The following PARP10 variants were observed in gnomAD, a reference collection of about 807,000 sequenced individuals.
PARP10 encodes protein mono-ADP-ribosyltransferase PARP10.
PARP10 carries 56 observed loss-of-function variants against 82.4 expected under a neutral mutation model. That is an observed-to-expected ratio of 0.68 (90% CI 0.55 to 0.85). PARP10 has a LOEUF of 0.85. Ranked by LOEUF, PARP10 falls within the 40% of genes least tolerant of loss-of-function variation. The pLI, the probability that PARP10 is intolerant of heterozygous loss-of-function variation, is 0.00. For missense variants in PARP10, 1,227 were observed against 1,379.4 expected (o/e 0.89, Z 1.75); for synonymous variants, 576 against 601.1 (o/e 0.96, Z 0.61).
At chr8:143,980,081 G>A (rs1381521144) in intron 9 of PARP10, among the ~76,000 whole-genome samples, 1 of 150,658 alleles carries the variant, frequency 6.6e-6, no homozygotes, top group Non-Finnish European at 1.5e-5. Flanking sequence ...CAGCACTTTG[G>A]GAGGCCGAGG....
chr8:143,984,958 T>C lies in PARP10; in HGVS notation c.1044A>G (p.Gln348=), dbSNP rs1554748862. Residue 348 remains glutamine (Q), a synonymous_variant, in exon 5 of 11, where the codon CAA becomes CAG. Transcript: ENST00000313028. ...GAGACCCCATGGGCATCGAGCTGAC[T>C]TGCTCTGCCTGTCCCAGAGACCCCA... ...GPMGSLGQAE[Q]VSSMPMGSLE... The C allele has an allele frequency of 1.2e-6, 2 of 1,613,900 alleles. No individual in the cohort carries two copies. Among genetic ancestry groups the C allele is most frequent in the South Asian group, 2.2e-5 (2 of 91,070 alleles).
chr8:144,003,332 A>C (rs562122711), intron 1 of PARP10, among the ~76,000 whole-genome samples: 1 of 151,726 alleles, frequency 6.6e-6, no homozygotes, highest in South Asian at 2.1e-4. Context: ...CTGAGGCACA[A>C]GGATCGCTTG....
Position 143,983,039 on chromosome 8 carries a change from A to AG in PARP10, c.2448dup (p.Trp817LeufsTer50). 1 of 1,613,850 alleles carries AG rather than the reference A, an allele frequency of 6.2e-7. No homozygotes were observed. Among genetic ancestry groups the AG allele is most frequent in the Non-Finnish European group, 8.5e-7 (1 of 1,179,992 alleles). ...TCTGCCAGACGCTCCAGGTTGTTCCAGGGCCCCTTCAGCGTCTGCCCCGCC... is the reference window on the plus strand; with the variant it reads ...TCTGCCAGACGCTCCAGGTTGTTCCAGGGGCCCCTTCAGCGTCTGCCCCGCC... On this transcript the variant is annotated frameshift_variant, in exon 9 of 11. Transcript: ENST00000313028. LOFTEE classifies it high-confidence loss of function.
At chr8:143,989,735 G>A (rs1243899390), upstream of PARP10, 1 of 152,238 alleles carries the variant, frequency 6.6e-6, no homozygotes, top group Non-Finnish European at 1.5e-5. The surrounding 1 kb of genome is among the most constrained non-coding windows in gnomAD (Gnocchi z 4.3). Flanking sequence ...GGAGAGATCT[G>A]GATGAAAAGA....
chr8:143,986,533 T>C (rs1346516759), upstream of PARP10: 19 of 927,358 alleles, frequency 2.0e-5, no homozygotes, highest in Non-Finnish European at 3.0e-5. Context: ...GGGGCTCAGA[T>C]GCTTCCTCTC....
At chr8:143,980,318 TCAAAAAAA>T (rs1348793580) in intron 9 of PARP10, among the ~76,000 whole-genome samples, 1 of 15,666 alleles carries the variant, frequency 6.4e-5, no homozygotes, top group African/African-American at 1.4e-4. Flanking sequence ...AGATTCCGTC[TCAAAAAAA>T]AAAAAAAAAA....
intron 4 of PARP10, 36 bp from the exon 5 acceptor site, chr8:143,985,364 T>C (rs782620349): frequency 4.4e-6 from 7 of 1,592,970 alleles, no homozygotes; most frequent in Non-Finnish European, 6.0e-6. Flanking sequence ...GCCTGTCAGA[T>C]TTCTGCAGGA....
At position 143,985,136 on chromosome 8, in the gene PARP10, C is replaced by T. The variant is rs781880457; in HGVS notation, c.866G>A (p.Gly289Asp). 9 of 1,614,018 alleles carry T rather than the reference C, an allele frequency of 5.6e-6. No homozygotes were observed. The highest frequency in any genetic ancestry group is 6.8e-6 in the Non-Finnish European group (8 of 1,180,024). ...AGAGCCCATTGTCACAGTCCCTGCACCCTGCAGAGCCGTCACCAACCCTCC... is the reference window on the plus strand; with the variant it reads ...AGAGCCCATTGTCACAGTCCCTGCATCCTGCAGAGCCGTCACCAACCCTCC... Reference protein sequence around the residue: ...RTGGLVTALQGAGTVTMGSGE... With the variant: ...RTGGLVTALQDAGTVTMGSGE... Residue 289 changes from glycine to aspartate, a missense_variant, in exon 5 of 11, where the codon GGT becomes GAT. By Grantham distance (94) the Gly-to-Asp change is moderately conservative. Transcript: ENST00000313028.
In PARP10 at chr8:143,986,094, G is replaced by A; in HGVS notation, c.142C>T (p.Leu48=). 2 of 1,614,072 alleles carry A rather than the reference G, an allele frequency of 1.2e-6. No individual in the cohort carries two copies. Among genetic ancestry groups the A allele is most frequent in the South Asian group, 2.2e-5 (2 of 91,084 alleles). The change falls in exon 2 of 11, where the codon CTG becomes TTG. Residue 48 remains leucine (L), a synonymous_variant. Coordinates refer to ENST00000313028, the MANE Select transcript of PARP10 (RefSeq NM_032789.5). The part of the protein sequence containing the change: ...GGGPVLSWQR[L]GCGGVLTFRE... The stretch of plus-strand genomic sequence containing the variant: ...AAGGTGAGGACGCCCCCACAGCCCA[G>A]TCTCTGCCAGCTCAACACAGGTCCC...
Position 143,983,232 on chromosome 8 carries a change from A to G in PARP10, c.2357T>C (p.Val786Ala). The change falls in exon 8 of 11, where the codon GTG becomes GCG. Residue 786 changes from valine to alanine, a missense_variant. Transcript: ENST00000313028. ...AHPARAARHL[V>A]ALLAGPWDQS... ...ATCCCAGGGGCCAGCCAGAAGTGCC[A>G]CCAAGTGGCGGGCAGCACGGGCAGG... 6.2e-7 allele frequency: 1 copy of G among 1,613,638 alleles called. No individual in the cohort carries two copies.
At chr8:143,981,157 T>A (rs961566242) in intron 9 of PARP10, among the ~76,000 whole-genome samples, 7 of 152,140 alleles carry the variant, frequency 4.6e-5, no homozygotes, top group African/African-American at 1.4e-4. Context: ...CAAGTACGTA[T>A]AATTAACAAA....
rs1554748282 is a variant in PARP10, at chr8:143,983,521, G to C, written c.2068C>G (p.Gln690Glu). The C allele has an allele frequency of 1.2e-6, 2 of 1,605,564 alleles. No individual in the cohort carries two copies. The highest frequency in any genetic ancestry group is 3.4e-5 in the Admixed American group (2 of 59,186). ...GGCTCTTCTGCCTCCAACGGGGGCT[G>C]CTCCAGCAGGGAGAGGGTTAGGGCT... The part of the protein sequence containing the change: ...RQALTLSLLE[Q>E]PPLEAEEPPD... The change falls in exon 8 of 11, where the codon CAG becomes GAG. Residue 690 changes from glutamine (Q) to glutamate (E), a missense_variant. Gln to Glu is a conservative substitution (Grantham distance 29, BLOSUM62 2). Coordinates refer to ENST00000313028, the MANE Select transcript of PARP10 (RefSeq NM_032789.5).
upstream of PARP10, chr8:143,993,078 G>C: frequency 1.9e-6 from 1 of 527,460 alleles, no homozygotes; most frequent in Non-Finnish European, 3.4e-6. Context: ...CCAAGGCCAC[G>C]TTTCCGTGCC....
chr8:144,008,054 G>C lies in PARP10; in HGVS notation c.-80+4476C>G, dbSNP rs116128127. Among the ~76,000 whole-genome samples the C allele has an allele frequency of 4.7e-3, 723 of 152,342 alleles. 4 individuals are homozygous for C. Among genetic ancestry groups the C allele is most frequent in the African/African-American group, 0.016 (667 of 41,574 alleles). The stretch of plus-strand genomic sequence containing the variant: ...TGGAAGTCAAATGCCAACTGAATCT[G>C]TGGGAGCACAGACTAGACAACTACC... On this transcript the variant is annotated intron_variant, in intron 1 of 3. Transcript: ENST00000530478. This position sits in a 1 kb window ranked among gnomAD's most constrained non-coding sequence, Gnocchi z 4.0.
At chr8:144,006,622 G>A (rs375770677) in intron 1 of PARP10, among the ~76,000 whole-genome samples, 11 of 152,210 alleles carry the variant, frequency 7.2e-5, no homozygotes, top group Non-Finnish European at 1.5e-4. Context: ...AAATGTTTGT[G>A]TCCCCCCTCA....
Position 143,998,071 on chromosome 8 carries a change from A to C in PARP10, c.-79-11633T>G, listed in dbSNP as rs531701384. 2.0e-5 allele frequency among the ~76,000 whole-genome samples: 3 copies of C among 152,230 alleles called. No individual in the cohort carries two copies. In the South Asian group the frequency reaches 6.2e-4, roughly 32 times the overall value. On this transcript the variant is annotated intron_variant, in intron 1 of 3. Transcript: ENST00000530478. ...GCCTCCCAAAGTGCTGGGATTACAG[A>C]TATGAGCCACCGTGCCTAGCCAAGA...
At chr8:143,988,900 T>A (rs1308018870), upstream of PARP10, 3 of 152,174 alleles carry the variant, frequency 2.0e-5, no homozygotes, top group Admixed American at 6.5e-5. Flanking sequence ...CATCACAGGT[T>A]ATCCATTACG....
At chr8:143,995,666 C>T (rs189228005), upstream of PARP10, among the ~76,000 whole-genome samples, 10 of 152,158 alleles carry the variant, frequency 6.6e-5, no homozygotes, top group Admixed American at 5.2e-4. Context: ...AGGAGCTGTC[C>T]TGGCACTCAC....
chr8:143,996,983 G>A (rs1271522257), intron 1 of PARP10, among the ~76,000 whole-genome samples: 5 of 152,138 alleles, frequency 3.3e-5, no homozygotes, highest in South Asian at 2.1e-4. Flanking sequence ...TGGGGGCAGC[G>A]GGAAGGGGGA....
Sources: gnomAD v4.1 joint callset for allele counts (sites outside exome capture counted in the v4.1 genomes callset) on GRCh38, gnomAD v4.1.1 for gene constraint, Gnocchi (gnomAD v3.1) non-coding constraint, MANE v1.5 for transcripts, NCBI Gene and HGNC (gene_info 2026-07-23, HGNC 2026-07-21) for gene names.